The following CNTN3 variants were observed in gnomAD, a reference collection of about 807,000 sequenced individuals.
CNTN3 encodes contactin 3.
In CNTN3, 60 loss-of-function variants were observed where a neutral mutation model predicts 119.1. The observed-to-expected ratio is 0.50, with a 90% CI of 0.41 to 0.62. The LOEUF is 0.62. Among genes scored for constraint, CNTN3 ranks in the 20% least tolerant of loss-of-function variants. The pLI is 0.00. For synonymous variants in CNTN3, 450 were observed against 438.7 expected (o/e 1.03, Z -0.32); for missense variants, 1,101 against 1,242.4 (o/e 0.89, Z 1.71).
At chr3:74,439,888 T>A (rs1440239603) in intron 4 of CNTN3, among the ~76,000 whole-genome samples, 1 of 152,198 alleles carries the variant, frequency 6.6e-6, no homozygotes, top group African/African-American at 2.4e-5. Context: ...AAAAGGCCTG[T>A]GTTGTGACCT....
At chr3:74,362,806 C>T (rs143855516) in intron 10 of CNTN3, among the ~76,000 whole-genome samples, 209 of 152,106 alleles carry the variant, frequency 1.4e-3, no homozygotes, top group African/African-American at 4.8e-3. Flanking sequence ...TGTCTTATGG[C>T]AAATCCAAGT....
At chr3:74,369,097 C>T in intron 8 of CNTN3, 92 bp downstream of exon 8, 1 of 881,936 alleles carries the variant, frequency 1.1e-6, no homozygotes, top group Non-Finnish European at 1.6e-6. Context: ...CATTGGGATT[C>T]TGCTATAATC....
chr3:74,479,514 C>T (rs1046823394), intron 4 of CNTN3, among the ~76,000 whole-genome samples: 4 of 152,096 alleles, frequency 2.6e-5, no homozygotes, highest in Non-Finnish European at 4.4e-5. Context: ...ACATATTATT[C>T]ATACTAAGTT....
At chr3:74,459,318 T>C (rs996619435) in intron 4 of CNTN3, among the ~76,000 whole-genome samples, 1 of 151,998 alleles carries the variant, frequency 6.6e-6, no homozygotes. Context: ...CCTCTGCGTA[T>C]TTCCTGATCC....
In CNTN3 at chr3:74,539,977, G is replaced by A. The variant is rs116302089; in HGVS notation, c.-80-18785C>T. The stretch of plus-strand genomic sequence containing the variant: ...CATAAAATCCAGACCTGTATGACCC[G>A]CCATGAAGCACATTCTATTATGGAA... On this transcript the variant is annotated intron_variant, in intron 1 of 22. Transcript: ENST00000263665. 5.4e-4 allele frequency among the ~76,000 whole-genome samples: 82 copies of A among 152,184 alleles called. No homozygotes were observed. In the South Asian group the frequency reaches 0.012, roughly 22 times the overall value.
At chr3:74,520,321 T>C (rs1468002014) in intron 2 of CNTN3, among the ~76,000 whole-genome samples, 1 of 151,492 alleles carries the variant, frequency 6.6e-6, no homozygotes, top group Non-Finnish European at 1.5e-5. Context: ...ATCTCAATAA[T>C]ACCTACAGAT....
At chr3:74,319,298 C>A (rs934721457) in intron 13 of CNTN3, among the ~76,000 whole-genome samples, 18 of 152,208 alleles carry the variant, frequency 1.2e-4, no homozygotes, top group African/African-American at 4.1e-4. Flanking sequence ...AAACAGCATG[C>A]TACTGGTACC....
intron 4 of CNTN3, among the ~76,000 whole-genome samples, chr3:74,450,060 GA>G (rs1296269842): frequency 1.3e-5 from 2 of 151,958 alleles, no homozygotes; most frequent in African/African-American, 4.8e-5. Flanking sequence ...CCTTACCTAA[GA>G]AACAAGAATT....
At chr3:74,420,854 C>T (rs988758377) in intron 5 of CNTN3, among the ~76,000 whole-genome samples, 6 of 152,268 alleles carry the variant, frequency 3.9e-5, no homozygotes, top group East Asian at 1.9e-4. Flanking sequence ...TGCAAACTCC[C>T]GAAGTGTAGC....
chr3:74,449,068 G>C (rs1318632939), intron 4 of CNTN3, among the ~76,000 whole-genome samples: 1 of 151,908 alleles, frequency 6.6e-6, no homozygotes, highest in African/African-American at 2.4e-5. Context: ...ATCTGTGCTT[G>C]TCCTATTTTA....
intron 1 of CNTN3, among the ~76,000 whole-genome samples, chr3:74,566,917 G>A (rs1704233964): frequency 6.6e-6 from 1 of 152,126 alleles, no homozygotes; most frequent in Non-Finnish European, 1.5e-5. Flanking sequence ...TACCCTCAGT[G>A]CACTCTCCTC....
chr3:74,386,520 T>A (rs1172561070), intron 5 of CNTN3, among the ~76,000 whole-genome samples: 3 of 152,138 alleles, frequency 2.0e-5, no homozygotes, highest in African/African-American at 7.2e-5. Context: ...CCAGCATGGA[T>A]GACAAAGTGA....
intron 1 of CNTN3, among the ~76,000 whole-genome samples, chr3:74,536,675 C>T (rs1270195434): frequency 6.6e-6 from 1 of 152,096 alleles, no homozygotes; most frequent in Admixed American, 6.5e-5. Flanking sequence ...TTACTTCCTG[C>T]TTACTTAGAC....
At chr3:74,461,490 A>G (rs1702366909) in intron 4 of CNTN3, among the ~76,000 whole-genome samples, 1 of 152,032 alleles carries the variant, frequency 6.6e-6, no homozygotes, top group South Asian at 2.1e-4. Flanking sequence ...ATTTATATTA[A>G]GGATCAATAA....
intron 5 of CNTN3, among the ~76,000 whole-genome samples, chr3:74,390,799 T>C (rs1430320525): frequency 2.0e-5 from 3 of 152,124 alleles, no homozygotes; most frequent in Non-Finnish European, 4.4e-5. Context: ...TAATAAAAGA[T>C]TTAGCAGTGT....
At chr3:74,473,845 A>G (rs556638231) in intron 4 of CNTN3, among the ~76,000 whole-genome samples, 8 of 152,294 alleles carry the variant, frequency 5.3e-5, no homozygotes, top group South Asian at 2.1e-4. Context: ...GTAAGGCAAG[A>G]TAAGTGTGAG....
chr3:74,301,613 T>C (rs143321877), intron 15 of CNTN3, 34 bp downstream of exon 15: 689 of 1,613,044 alleles, frequency 4.3e-4, no homozygotes, highest in Non-Finnish European at 5.7e-4. Context: ...TCCATTTATA[T>C]GTGTGCAGAT....
intron 20 of CNTN3, 27 bp from the exon 21 acceptor site, chr3:74,267,405 A>G (rs1254823829): frequency 4.1e-6 from 6 of 1,480,992 alleles, no homozygotes; most frequent in Non-Finnish European, 3.8e-6. Context: ...AGAAATTTTA[A>G]AACAGATCGA....
chr3:74,282,492 G>T (rs1702032346), intron 20 of CNTN3, among the ~76,000 whole-genome samples: 1 of 152,154 alleles, frequency 6.6e-6, no homozygotes, highest in Admixed American at 6.5e-5. Context: ...TTAATATGCT[G>T]CTCCTATGTG....
Sources: allele counts gnomAD v4.1 joint callset (sites outside exome capture counted in the v4.1 genomes callset), GRCh38; gene constraint gnomAD v4.1.1; transcripts MANE v1.5; gene names NCBI Gene and HGNC (gene_info 2026-07-23, HGNC 2026-07-21).